The following OPCML variants were observed in gnomAD, a reference collection of about 807,000 sequenced individuals.
OPCML encodes opioid binding protein/cell adhesion molecule like, also known as opioid-binding protein/cell adhesion molecule.
In OPCML, 13 loss-of-function variants were observed where a neutral mutation model predicts 37.8. That is an observed-to-expected ratio of 0.34 (90% CI 0.22 to 0.55). OPCML has a LOEUF of 0.55. Among genes scored for constraint, OPCML ranks in the 20% least tolerant of loss-of-function variants. The probability of loss-of-function intolerance (pLI) is 0.91; values close to 1 mark genes in which losing one functional copy is unlikely to be tolerated. For synonymous variants in OPCML, 176 were observed against 168.8 expected (o/e 1.04, Z -0.33); for missense variants, 341 against 435.6 (o/e 0.78, Z 1.93).
At chr11:133,237,349 G>A (rs1346680634) in intron 1 of OPCML, among the ~76,000 whole-genome samples, 1 of 152,194 alleles carries the variant, frequency 6.6e-6, no homozygotes, top group Non-Finnish European at 1.5e-5. Context: ...TGTGGACAAA[G>A]CAAGGGTTCA....
chr11:132,722,580 A>T (rs1462335320), intron 2 of OPCML, among the ~76,000 whole-genome samples: 5 of 152,112 alleles, frequency 3.3e-5, no homozygotes, highest in Admixed American at 3.3e-4. Context: ...ACACTCAAGA[A>T]GTATGCAGTT....
intron 1 of OPCML, among the ~76,000 whole-genome samples, chr11:132,955,742 A>C (rs6590669): frequency 0.52 from 78,984 of 151,664 alleles, 20,747 homozygotes; most frequent in East Asian, 0.72. Flanking sequence ...ATTAGCAGGG[A>C]ATGGTGGTGT....
At chr11:132,847,661 A>G (rs1442863398) in intron 2 of OPCML, among the ~76,000 whole-genome samples, 1 of 152,212 alleles carries the variant, frequency 6.6e-6, no homozygotes, top group Non-Finnish European at 1.5e-5. Context: ...CTCAGATACC[A>G]CTAAAAATGC....
intron 2 of OPCML, among the ~76,000 whole-genome samples, chr11:132,790,696 A>G (rs1242143586): frequency 6.6e-6 from 1 of 152,222 alleles, no homozygotes; most frequent in Non-Finnish European, 1.5e-5. Flanking sequence ...GGCCTGCTGT[A>G]GCGGCAGATG....
chr11:133,403,675 G>A (rs866847123), intron 1 of OPCML, among the ~76,000 whole-genome samples: 9 of 152,028 alleles, frequency 5.9e-5, no homozygotes, highest in East Asian at 1.9e-4. Flanking sequence ...CAATGTTATC[G>A]TACCAATTAC....
intron 1 of OPCML, among the ~76,000 whole-genome samples, chr11:133,168,333 G>C (rs1006105888): frequency 6.6e-6 from 1 of 152,162 alleles, no homozygotes; most frequent in South Asian, 2.1e-4. Flanking sequence ...CTGGGGCTTG[G>C]GGGGAAGAGA....
At chr11:132,951,377 C>T (rs1945857889) in intron 1 of OPCML, among the ~76,000 whole-genome samples, 1 of 152,190 alleles carries the variant, frequency 6.6e-6, no homozygotes. Flanking sequence ...TACCTTCTCG[C>T]TCTGTGCTCA....
chr11:132,715,063 A>G (rs1404998134), intron 2 of OPCML, among the ~76,000 whole-genome samples: 15 of 152,190 alleles, frequency 9.9e-5, no homozygotes, highest in Admixed American at 9.8e-4. Context: ...GAGGGCAGGC[A>G]GCTCTCAGAC....
At chr11:132,926,317 G>A (rs1280980582) in intron 2 of OPCML, among the ~76,000 whole-genome samples, 1 of 152,122 alleles carries the variant, frequency 6.6e-6, no homozygotes, top group Non-Finnish European at 1.5e-5. Context: ...GAAACCAAAA[G>A]CAGCTTGGAT....
chr11:132,714,508 G>A (rs1039409721), intron 2 of OPCML, among the ~76,000 whole-genome samples: 2 of 152,182 alleles, frequency 1.3e-5, no homozygotes, highest in Non-Finnish European at 2.9e-5. Context: ...AAGAAGCTGG[G>A]GAGCTATGGC....
chr11:132,472,936 C>G (rs2096142639), intron 4 of OPCML, among the ~76,000 whole-genome samples: 1 of 152,172 alleles, frequency 6.6e-6, no homozygotes, highest in Non-Finnish European at 1.5e-5. Flanking sequence ...GAGATTTTAC[C>G]CCAAACCACC....
chr11:133,006,768 C>G, intron 1 of OPCML: 1 of 985,466 alleles, frequency 1.0e-6, no homozygotes, highest in Non-Finnish European at 1.2e-6. Flanking sequence ...CTGACAACGC[C>G]TGCCCCATGC....
chr11:132,452,574 T>G (rs2096071355), intron 4 of OPCML, among the ~76,000 whole-genome samples: 1 of 149,970 alleles, frequency 6.7e-6, no homozygotes, highest in Non-Finnish European at 1.5e-5. Context: ...CCTTCCTGCC[T>G]GCCTTCCTAC....
intron 1 of OPCML, among the ~76,000 whole-genome samples, chr11:133,510,098 C>A (rs1393230231): frequency 6.6e-6 from 1 of 152,194 alleles, no homozygotes; most frequent in East Asian, 1.9e-4. Context: ...AGTCACCCAG[C>A]CTGTTCTGAG....
At chr11:133,259,078 T>TA in intron 1 of OPCML, among the ~76,000 whole-genome samples, 1 of 152,340 alleles carries the variant, frequency 6.6e-6, no homozygotes, top group South Asian at 2.1e-4. Flanking sequence ...TTAGAGTGGA[T>TA]AAAATCATAG....
intron 4 of OPCML, among the ~76,000 whole-genome samples, chr11:132,482,333 A>G (rs2096183575): frequency 6.6e-6 from 1 of 152,026 alleles, no homozygotes; most frequent in African/African-American, 2.4e-5. Flanking sequence ...AAATGGATAA[A>G]TTCCTTGACA....
chr11:133,220,743 C>G (rs1273156256), intron 1 of OPCML, among the ~76,000 whole-genome samples: 1 of 152,190 alleles, frequency 6.6e-6, no homozygotes, highest in Non-Finnish European at 1.5e-5. Context: ...CTCACTTCCT[C>G]CATTTTTCTG....
intron 3 of OPCML, among the ~76,000 whole-genome samples, chr11:132,647,480 C>T (rs1422423637): frequency 1.3e-5 from 2 of 152,100 alleles, no homozygotes; most frequent in African/African-American, 2.4e-5. Flanking sequence ...GACCAGAAGC[C>T]TTACTGATAA....
At chr11:133,435,465 G>A (rs182355501) in intron 1 of OPCML, among the ~76,000 whole-genome samples, 1 of 152,126 alleles carries the variant, frequency 6.6e-6, no homozygotes, top group East Asian at 1.9e-4. Flanking sequence ...TTTCTCCTGG[G>A]GTGAGTTTAC....
Sources: gnomAD v4.1 joint callset for allele counts (sites outside exome capture counted in the v4.1 genomes callset) on GRCh38, gnomAD v4.1.1 for gene constraint, MANE v1.5 for transcripts, NCBI Gene and HGNC (gene_info 2026-07-23, HGNC 2026-07-21) for gene names.